The following NCAM2 variants were observed in gnomAD, a reference collection of about 807,000 sequenced individuals.
NCAM2 encodes the protein neural cell adhesion molecule 2.
A neutral mutation model predicts 98.1 loss-of-function variants in NCAM2; 30 were observed. The observed-to-expected ratio is 0.31, with a 90% CI of 0.23 to 0.41. The LOEUF (loss-of-function observed/expected upper bound fraction) is 0.41, where lower values mean the gene tolerates loss of function less well. Among genes scored for constraint, NCAM2 ranks in the 10% least tolerant of loss-of-function variants. NCAM2 has a pLI of 1.00. For synonymous variants in NCAM2, 368 were observed against 342.4 expected (o/e 1.07, Z -0.83); for missense variants, 867 against 1,005.8 (o/e 0.86, Z 1.87).
At chr21:21,478,748 G>A (rs1369874222) in intron 15 of NCAM2, among the ~76,000 whole-genome samples, 1 of 152,016 alleles carries the variant, frequency 6.6e-6, no homozygotes, top group Non-Finnish European at 1.5e-5. Flanking sequence ...CTTCTGCATT[G>A]ATTATGTCAT....
rs140904475 is a variant in NCAM2, at chr21:21,526,408, C to T, written c.2283-8129C>T. Among the ~76,000 whole-genome samples, 72 of 151,802 alleles carry T rather than the reference C, an allele frequency of 4.7e-4. No homozygotes were observed. The East Asian group carries it at 5.0e-3, about 11-fold the overall frequency. ...CACCCCGCAAAATTAAATACTCAGC[C>T]GTATAGCTAATAAAATATGTACAAG... On this transcript the variant is annotated intron_variant, in intron 16 of 17. Coordinates refer to ENST00000400546, the MANE Select transcript of NCAM2 (RefSeq NM_004540.5).
chr21:21,450,260 T>A (rs1440413254), intron 12 of NCAM2, among the ~76,000 whole-genome samples: 1 of 151,994 alleles, frequency 6.6e-6, no homozygotes, highest in Non-Finnish European at 1.5e-5. Context: ...TGTATGTATG[T>A]GTGTATATAT....
intron 1 of NCAM2, among the ~76,000 whole-genome samples, chr21:21,092,894 C>A (rs1392737222): frequency 6.6e-6 from 1 of 151,790 alleles, no homozygotes; most frequent in East Asian, 1.9e-4. Flanking sequence ...AATAATTATA[C>A]AAAATATTAG....
intron 15 of NCAM2, among the ~76,000 whole-genome samples, chr21:21,495,584 C>G (rs909536064): frequency 6.6e-6 from 1 of 151,990 alleles, no homozygotes; most frequent in African/African-American, 2.4e-5. Flanking sequence ...TTTGGTTGAT[C>G]TATTTATTTG....
chr21:21,119,410 A>T (rs2066626931), intron 1 of NCAM2, among the ~76,000 whole-genome samples: 1 of 152,150 alleles, frequency 6.6e-6, no homozygotes, highest in Admixed American at 6.5e-5. Context: ...TAGTGTTTTA[A>T]TGAAGGATTT....
chr21:21,279,583 T>C (rs1344144856), intron 1 of NCAM2, among the ~76,000 whole-genome samples: 2 of 152,164 alleles, frequency 1.3e-5, no homozygotes, highest in Non-Finnish European at 2.9e-5. Context: ...GGTCTCAAAC[T>C]CCTGACCTTG....
In NCAM2 at chr21:21,538,287, T is replaced by C. The variant is rs996439898; in HGVS notation, c.*330T>C. 1 of 158,856 alleles carries C rather than the reference T, an allele frequency of 6.3e-6. No individual in the cohort carries two copies. Among genetic ancestry groups the C allele is most frequent in the African/African-American group, 2.4e-5 (1 of 41,268 alleles). 9.8% of individuals were successfully genotyped at this position (158,856 alleles called of 1,614,324 possible). On this transcript the variant is annotated 3_prime_UTR_variant, in exon 18 of 18. Transcript: ENST00000400546. ...TCTATTTATTAAGAACTATATTTAA[T>C]ACCACCAACAAATATAGGGGTTAAG... is the stretch of plus-strand genomic sequence containing the variant.
intron 1 of NCAM2, among the ~76,000 whole-genome samples, chr21:21,061,941 T>C (rs2065331918): frequency 6.6e-6 from 1 of 152,128 alleles, no homozygotes; most frequent in Non-Finnish European, 1.5e-5. Context: ...TTTTTTATGT[T>C]GGAAAGCAGC....
intron 8 of NCAM2, among the ~76,000 whole-genome samples, chr21:21,354,492 C>G (rs1465449309): frequency 6.6e-6 from 1 of 152,046 alleles, no homozygotes; most frequent in Admixed American, 6.6e-5. Flanking sequence ...TTTTTAAATG[C>G]ACATTAAAAT....
At chr21:21,440,342 G>T (rs1349405225) in intron 12 of NCAM2, among the ~76,000 whole-genome samples, 2 of 152,022 alleles carry the variant, frequency 1.3e-5, no homozygotes, top group African/African-American at 4.8e-5. Context: ...AGTTTATTAT[G>T]AAATGTCATT....
At chr21:21,466,953 T>C (rs1602425124) in intron 13 of NCAM2, among the ~76,000 whole-genome samples, 1 of 151,914 alleles carries the variant, frequency 6.6e-6, no homozygotes, top group African/African-American at 2.4e-5. Flanking sequence ...TCAGTAAAAA[T>C]TGTTCCCGGG....
At chr21:21,443,730 A>G (rs1238678935) in intron 12 of NCAM2, among the ~76,000 whole-genome samples, 1 of 152,048 alleles carries the variant, frequency 6.6e-6, no homozygotes, top group Non-Finnish European at 1.5e-5. Flanking sequence ...CTGTAGGAGG[A>G]CCTATAGATT....
At chr21:21,512,302 C>T (rs1988438334) in intron 16 of NCAM2, among the ~76,000 whole-genome samples, 1 of 152,012 alleles carries the variant, frequency 6.6e-6, no homozygotes, top group African/African-American at 2.4e-5. Context: ...CATTCATCAT[C>T]TATATATGGA....
At chr21:21,461,410 T>G (rs1053163421) in intron 12 of NCAM2, among the ~76,000 whole-genome samples, 2 of 151,908 alleles carry the variant, frequency 1.3e-5, no homozygotes, top group African/African-American at 2.4e-5. Context: ...AATTGTTTAT[T>G]TTGAGTATAA....
At chr21:21,005,555 G>T (rs2064095643) in intron 1 of NCAM2, among the ~76,000 whole-genome samples, 3 of 150,668 alleles carry the variant, frequency 2.0e-5, no homozygotes, top group South Asian at 2.1e-4. Flanking sequence ...TCTTTTTATT[G>T]GCCAATTCTT....
At chr21:21,067,723 C>A (rs2065470220) in intron 1 of NCAM2, among the ~76,000 whole-genome samples, 2 of 152,108 alleles carry the variant, frequency 1.3e-5, no homozygotes, top group African/African-American at 4.8e-5. Flanking sequence ...AGTAGACTTG[C>A]ATAAATTATT....
rs71195310 is a variant in NCAM2, at chr21:21,210,967, A to AACACACACACAC, written c.56-69566_56-69555dup. ...CAGGAGTTTACTAATACTCTCCCCA[A>AACACACACACAC]ACACACACACACACACACACACACA... On this transcript the variant is annotated intron_variant, in intron 1 of 17. Transcript: ENST00000400546. 6.9e-3 allele frequency among the ~76,000 whole-genome samples: 884 copies of AACACACACACAC among 127,332 alleles called. 17 individuals carry two copies. Among genetic ancestry groups the AACACACACACAC allele is most frequent in the African/African-American group, 0.015 (467 of 30,876 alleles). The allele number at this position is 127,332 out of a possible 152,430, so 83.5% of individuals were successfully genotyped here.
At chr21:21,347,075 A>G (rs563940662) in intron 8 of NCAM2, among the ~76,000 whole-genome samples, 1 of 152,110 alleles carries the variant, frequency 6.6e-6, no homozygotes, top group Admixed American at 6.5e-5. Context: ...AGGCCAATGA[A>G]ACAATAAGTT....
chr21:21,346,294 G>A (rs1455865306), intron 8 of NCAM2, among the ~76,000 whole-genome samples: 6 of 151,044 alleles, frequency 4.0e-5, no homozygotes, highest in Non-Finnish European at 8.8e-5. Flanking sequence ...GACAAAGAAG[G>A]TTAATATATA....
Sources: gnomAD v4.1 joint callset for allele counts (sites outside exome capture counted in the v4.1 genomes callset) on GRCh38, gnomAD v4.1.1 for gene constraint, MANE v1.5 for transcripts, NCBI Gene and HGNC (gene_info 2026-07-23, HGNC 2026-07-21) for gene names.